GRM8: variants seen among roughly 807,000 people sequenced by gnomAD.
GRM8 encodes the protein glutamate metabotropic receptor 8.
In GRM8, 47 loss-of-function variants were observed where a neutral mutation model predicts 87.2. That is an observed-to-expected ratio of 0.54 (90% CI 0.43 to 0.69). The LOEUF (loss-of-function observed/expected upper bound fraction) is 0.69. GRM8 is among the 30% of genes least tolerant of loss of function. The probability of loss-of-function intolerance (pLI) is 0.00; values close to 1 mark genes in which losing one functional copy is unlikely to be tolerated. For missense variants in GRM8, 1,019 were observed against 1,139.2 expected, an observed-to-expected ratio of 0.89 and a Z score of 1.52; for synonymous variants, 396 against 404.5, an observed-to-expected ratio of 0.98 and a Z score of 0.25.
intron 2 of GRM8, among the ~76,000 whole-genome samples, chr7:127,165,453 G>T (rs1793396115): frequency 6.6e-6 from 1 of 151,744 alleles, no homozygotes; most frequent in South Asian, 2.1e-4. Flanking sequence ...TCCCAACCTG[G>T]GTTGGCAGAC....
chr7:126,738,312 G>A (rs1044733161), intron 7 of GRM8, among the ~76,000 whole-genome samples: 3 of 152,080 alleles, frequency 2.0e-5, no homozygotes, highest in Non-Finnish European at 4.4e-5. Context: ...TCTGGCTGCT[G>A]CACGTAGCCC....
chr7:127,184,620 C>G (rs1794642231), intron 2 of GRM8, among the ~76,000 whole-genome samples: 1 of 151,832 alleles, frequency 6.6e-6, no homozygotes, highest in Admixed American at 6.6e-5. Flanking sequence ...TAACATCATA[C>G]TGGAAGTCCT....
At chr7:126,924,954 G>A (rs955248047) in intron 3 of GRM8, among the ~76,000 whole-genome samples, 2 of 151,928 alleles carry the variant, frequency 1.3e-5, no homozygotes, top group African/African-American at 4.8e-5. Context: ...TGTGAGACCA[G>A]GAGAAAAACA....
At chr7:126,750,028 G>A (rs1011389245) in intron 7 of GRM8, among the ~76,000 whole-genome samples, 1 of 152,080 alleles carries the variant, frequency 6.6e-6, no homozygotes, top group African/African-American at 2.4e-5. Flanking sequence ...TCCTCACAAA[G>A]AGCTGTACTT....
chr7:126,642,470 C>T (rs2151206945), intron 7 of GRM8, among the ~76,000 whole-genome samples: 1 of 152,086 alleles, frequency 6.6e-6, no homozygotes, highest in Non-Finnish European at 1.5e-5. Context: ...AACCCCATCT[C>T]TACTAAAAAT....
chr7:126,523,939 A>G (rs1813426611), intron 9 of GRM8, among the ~76,000 whole-genome samples: 3 of 152,120 alleles, frequency 2.0e-5, no homozygotes, highest in African/African-American at 7.2e-5. Flanking sequence ...ATACTTCTCT[A>G]TTTTGTTTCT....
intron 9 of GRM8, among the ~76,000 whole-genome samples, chr7:126,468,185 C>T (rs529352607): frequency 6.6e-6 from 1 of 152,138 alleles, no homozygotes; most frequent in East Asian, 1.9e-4. Flanking sequence ...TGCTTGCCTA[C>T]AATCCCAGAG....
intron 7 of GRM8, among the ~76,000 whole-genome samples, chr7:126,676,158 C>T (rs1000032462): frequency 2.0e-5 from 3 of 152,074 alleles, no homozygotes; most frequent in African/African-American, 7.2e-5. Flanking sequence ...ACAAATGAAC[C>T]TAGGAATATA....
chr7:127,176,710 A>G (rs1264784595), intron 2 of GRM8, among the ~76,000 whole-genome samples: 2 of 152,234 alleles, frequency 1.3e-5, no homozygotes, highest in Non-Finnish European at 2.9e-5. Context: ...CTCCATGCAG[A>G]CAACCCCCAG....
At chr7:126,937,490 G>C (rs1343975663) in intron 3 of GRM8, among the ~76,000 whole-genome samples, 1 of 152,166 alleles carries the variant, frequency 6.6e-6, no homozygotes, top group East Asian at 1.9e-4. Flanking sequence ...AAAGCAAGCT[G>C]TACAAGGAGG....
intron 7 of GRM8, among the ~76,000 whole-genome samples, chr7:126,620,509 G>T (rs1419480): frequency 2.0e-4 from 30 of 150,432 alleles, no homozygotes; most frequent in African/African-American, 5.4e-4. Context: ...TTCAATGAAG[G>T]TTTTTTTTTT....
At chr7:126,988,821 T>C (rs1304063970) in intron 3 of GRM8, among the ~76,000 whole-genome samples, 1 of 152,210 alleles carries the variant, frequency 6.6e-6, no homozygotes, top group African/African-American at 2.4e-5. Context: ...ATTTGACCAG[T>C]GAATTCACTC....
chr7:127,150,139 TATACA>T (rs1289803526), intron 2 of GRM8, among the ~76,000 whole-genome samples: 7 of 152,212 alleles, frequency 4.6e-5, no homozygotes, highest in African/African-American at 9.6e-5. Flanking sequence ...ACCTTGAATA[TATACA>T]ATACAATTTA....
chr7:127,216,884 A>G (rs1481212451), intron 2 of GRM8, among the ~76,000 whole-genome samples: 1 of 152,142 alleles, frequency 6.6e-6, no homozygotes, highest in Non-Finnish European at 1.5e-5. Flanking sequence ...TCTCAGCTTA[A>G]ATGAGACACA....
At chr7:127,114,432 AG>A (rs1563523040) in intron 2 of GRM8, among the ~76,000 whole-genome samples, 1 of 152,144 alleles carries the variant, frequency 6.6e-6, no homozygotes, top group African/African-American at 2.4e-5. Context: ...CCTGCACAAA[AG>A]GGGCCTGTGG....
At chr7:126,907,999 A>C (rs1291029815) in intron 3 of GRM8, among the ~76,000 whole-genome samples, 1 of 152,220 alleles carries the variant, frequency 6.6e-6, no homozygotes, top group Non-Finnish European at 1.5e-5. Flanking sequence ...GTGACCAGTT[A>C]TGTGATGGTA....
At chr7:127,185,718 T>C (rs1794697542) in intron 2 of GRM8, among the ~76,000 whole-genome samples, 2 of 152,196 alleles carry the variant, frequency 1.3e-5, no homozygotes, top group South Asian at 4.1e-4. Context: ...GAGAACTTGT[T>C]GCATTTGGGA....
intron 2 of GRM8, among the ~76,000 whole-genome samples, chr7:127,208,183 A>G (rs562125911): frequency 2.6e-4 from 40 of 152,326 alleles, no homozygotes; most frequent in Admixed American, 2.4e-3. Flanking sequence ...GTTTTGCCAT[A>G]TAAGGCCTAA....
intron 9 of GRM8, among the ~76,000 whole-genome samples, chr7:126,458,461 C>T (rs1803515473): frequency 2.6e-5 from 4 of 151,074 alleles, no homozygotes; most frequent in African/African-American, 7.3e-5. Flanking sequence ...TACACACATA[C>T]AATTAATCCA....
Sources: gnomAD v4.1 joint callset for allele counts (sites outside exome capture counted in the v4.1 genomes callset) on GRCh38, gnomAD v4.1.1 for gene constraint, MANE v1.5 for transcripts, NCBI Gene and HGNC (gene_info 2026-07-23, HGNC 2026-07-21) for gene names.